The following SLC44A5 variants were observed in gnomAD, a reference collection of about 807,000 sequenced individuals.
SLC44A5 encodes choline transporter-like protein 5.
Under a neutral mutation model 101.8 loss-of-function variants are expected in SLC44A5, and 57 were observed. The ratio of observed to expected loss-of-function variants is 0.56; its 90% CI spans 0.45 to 0.70. SLC44A5 has a LOEUF of 0.70. Ranked by LOEUF, SLC44A5 falls within the 30% of genes least tolerant of loss-of-function variation. The pLI, the probability that SLC44A5 is intolerant of heterozygous loss-of-function variation, is 0.00. For synonymous variants in SLC44A5, 281 were observed against 290.9 expected, an observed-to-expected ratio of 0.97 and a Z score of 0.35; for missense variants, 737 against 853.1, an observed-to-expected ratio of 0.86 and a Z score of 1.70.
chr1:75,677,697 A>T, the SLC44A5 span: 2 of 423,368 alleles, frequency 4.7e-6, no homozygotes, highest in South Asian at 3.3e-5. Context: ...TAAATGCATA[A>T]AAAAAACAAG....
chr1:75,278,791 A>G (rs1652143715), intron 5 of SLC44A5, among the ~76,000 whole-genome samples: 1 of 152,118 alleles, frequency 6.6e-6, no homozygotes, highest in Non-Finnish European at 1.5e-5. Context: ...GTTTTTAATA[A>G]TATAATTTTC....
intron 6 of SLC44A5, among the ~76,000 whole-genome samples, chr1:75,260,527 G>A (rs910726117): frequency 1.3e-5 from 2 of 152,010 alleles, no homozygotes; most frequent in Non-Finnish European, 2.9e-5. Flanking sequence ...TATAAAACAA[G>A]TTATTAGAGA....
intron 2 of SLC44A5, among the ~76,000 whole-genome samples, chr1:75,476,407 G>A (rs1366319873): frequency 6.6e-6 from 1 of 152,190 alleles, no homozygotes; most frequent in Non-Finnish European, 1.5e-5. Context: ...GCGCAGGACA[G>A]TGGGTGCAGC....
chr1:75,372,503 A>G (rs1051446894), intron 3 of SLC44A5, among the ~76,000 whole-genome samples: 28 of 150,378 alleles, frequency 1.9e-4, no homozygotes, highest in African/African-American at 6.6e-4. Flanking sequence ...TCATGACAAA[A>G]TAAAACTAGC....
chr1:75,272,044 A>T (rs2100735629), intron 6 of SLC44A5, among the ~76,000 whole-genome samples: 1 of 152,032 alleles, frequency 6.6e-6, no homozygotes, highest in Admixed American at 6.6e-5. Context: ...TATGGTTTTA[A>T]TTTGCATTTC....
chr1:75,208,735 A>G (rs1266876874), intron 23 of SLC44A5, among the ~76,000 whole-genome samples: 1 of 152,156 alleles, frequency 6.6e-6, no homozygotes, highest in Non-Finnish European at 1.5e-5. Flanking sequence ...TAACATATCT[A>G]TCTTGTTATT....
chr1:75,686,446 G>GTTGGCAAAGGTCAATAAGTACGGAAGCT, the SLC44A5 span, among the ~76,000 whole-genome samples: 1 of 152,216 alleles, frequency 6.6e-6, no homozygotes, highest in Admixed American at 6.5e-5. Flanking sequence ...AGTAGAGCCT[G>GTTGGCAAAGGTCAATAAGTACGGAAGCT]TTGGCAAAGG....
At chr1:75,466,333 T>G (rs112935424) in intron 2 of SLC44A5, among the ~76,000 whole-genome samples, 1,586 of 152,236 alleles carry the variant, frequency 0.01, 13 homozygotes, top group Non-Finnish European at 0.016. Flanking sequence ...ACATCCTTCA[T>G]GATAAAAATC....
At chr1:75,489,252 A>C (rs983346701) in intron 2 of SLC44A5, among the ~76,000 whole-genome samples, 2 of 152,196 alleles carry the variant, frequency 1.3e-5, no homozygotes, top group Non-Finnish European at 2.9e-5. Context: ...AAAAAAACAT[A>C]AATTCATGTG....
chr1:75,634,532 T>C, the SLC44A5 span, among the ~76,000 whole-genome samples: 2 of 151,320 alleles, frequency 1.3e-5, no homozygotes, highest in Admixed American at 1.3e-4. Context: ...ATCTGATCTT[T>C]GACAAACCTG....
rs1222400532 is a variant in SLC44A5, at chr1:75,504,249, T to TA, written c.13+37185dup. Among the ~76,000 whole-genome samples the TA allele has an allele frequency of 2.0e-5, 3 of 152,236 alleles. No individual in the cohort carries two copies. In the East Asian group the frequency reaches 5.8e-4, roughly 29 times the overall value. The stretch of plus-strand genomic sequence containing the variant: ...CATTTGTAATTTTACTTTTGGTCAT[T>TA]AAAAAACAGGGAAAAGCAAGCACTG... On this transcript the variant is annotated intron_variant, in intron 2 of 23. Coordinates refer to ENST00000370859, the MANE Select transcript of SLC44A5 (RefSeq NM_001130058.2).
At chr1:75,455,515 G>A (rs145246886) in intron 2 of SLC44A5, among the ~76,000 whole-genome samples, 92 of 152,122 alleles carry the variant, frequency 6.0e-4, no homozygotes, top group African/African-American at 2.1e-3. Flanking sequence ...ATTAACAAGT[G>A]AGAACTAATT....
Position 75,481,906 on chromosome 1 carries a change from C to T in SLC44A5, c.13+59529G>A, listed in dbSNP as rs149105220. ...GATTTTGACTAGAATTTGACCCAGC[C>T]ATCCCATTACTGGGTATATACCCAA... On this transcript the variant is annotated intron_variant, in intron 2 of 23. Coordinates refer to ENST00000370859, the MANE Select transcript of SLC44A5 (RefSeq NM_001130058.2). Among the ~76,000 whole-genome samples the T allele has an allele frequency of 9.2e-3, 1,401 of 152,226 alleles. 22 individuals are homozygous for T. Among genetic ancestry groups the T allele is most frequent in the African/African-American group, 0.032 (1,335 of 41,526 alleles).
intron 7 of SLC44A5, among the ~76,000 whole-genome samples, chr1:75,246,825 C>T (rs1409245807): frequency 7.9e-5 from 12 of 152,012 alleles, no homozygotes; most frequent in Non-Finnish European, 7.4e-5. Flanking sequence ...GTCTAAGTCT[C>T]TAAGGCAGGA....
chr1:75,411,629 C>T (rs777725215), intron 2 of SLC44A5, among the ~76,000 whole-genome samples: 18 of 151,880 alleles, frequency 1.2e-4, no homozygotes, highest in African/African-American at 4.1e-4. Flanking sequence ...CAAATCACCA[C>T]GTACAGAGAG....
intron 3 of SLC44A5, among the ~76,000 whole-genome samples, chr1:75,351,482 G>A (rs1658652940): frequency 6.6e-6 from 1 of 152,116 alleles, no homozygotes; most frequent in African/African-American, 2.4e-5. Flanking sequence ...TCAGAGAGAG[G>A]ATTTATTAAG....
At chr1:75,443,480 A>G (rs540579909) in intron 2 of SLC44A5, among the ~76,000 whole-genome samples, 1 of 152,124 alleles carries the variant, frequency 6.6e-6, no homozygotes, top group African/African-American at 2.4e-5. Flanking sequence ...GCCAATATTT[A>G]TAAACTTATA....
At chr1:75,622,674 T>C in the SLC44A5 span, among the ~76,000 whole-genome samples, 4 of 152,206 alleles carry the variant, frequency 2.6e-5, no homozygotes. Flanking sequence ...GATAGTTGTG[T>C]ATAATCCACC....
intron 2 of SLC44A5, among the ~76,000 whole-genome samples, chr1:75,536,469 C>T (rs1175756358): frequency 1.3e-5 from 2 of 150,752 alleles, no homozygotes; most frequent in Non-Finnish European, 3.0e-5. Context: ...GGCATGGTGG[C>T]GGGCGCCTGT....
Sources: allele counts gnomAD v4.1 joint callset (sites outside exome capture counted in the v4.1 genomes callset), GRCh38; gene constraint gnomAD v4.1.1; transcripts MANE v1.5; gene names NCBI Gene and HGNC (gene_info 2026-07-23, HGNC 2026-07-21).